The following GLMP variants were observed in gnomAD, a reference collection of about 807,000 sequenced individuals.
GLMP encodes kidney lysosomal membrane protein.
Under a neutral mutation model 39.2 loss-of-function variants are expected in GLMP, and 36 were observed. The ratio of observed to expected loss-of-function variants is 0.92; its 90% CI spans 0.70 to 1.21. The LOEUF is 1.21. Among genes scored for constraint, GLMP ranks in the 50% most tolerant of loss-of-function variants. The pLI is 0.00. For synonymous variants in GLMP, 220 were observed against 218.9 expected, an observed-to-expected ratio of 1.01 and a Z score of -0.04; for missense variants, 454 against 505.6, an observed-to-expected ratio of 0.90 and a Z score of 0.98.
At chr1:156,294,298 C>G (rs1387002963) in intron 3 of GLMP, 62 bp from the exon 4 acceptor site, 2 of 1,601,240 alleles carry the variant, frequency 1.2e-6, no homozygotes, top group African/African-American at 1.3e-5. Flanking sequence ...TAAGGGCCAC[C>G]TCCATCATTA....
Position 156,295,609 on chromosome 1 carries a change from G to A in GLMP, c.37C>T (p.His13Tyr). ...AGGAGCAGGGGGCTGGGGGCACAGT[G>A]CCCCCAACCCCAGGTGCACTCCACA... ...GSVECTWGWG[H>Y]CAPSPLLLWT... The change falls in exon 1 of 6, where the codon CAC becomes TAC. Residue 13 changes from histidine to tyrosine, a missense_variant. By Grantham distance (83) the His-to-Tyr change is moderately conservative (BLOSUM62 2). Coordinates refer to ENST00000362007, the MANE Select transcript of GLMP (RefSeq NM_144580.3). The A allele has an allele frequency of 5.2e-6, 8 of 1,548,936 alleles. No individual in the cohort carries two copies. The highest frequency in any genetic ancestry group is 7.0e-6 in the Non-Finnish European group (8 of 1,146,400).
At chr1:156,293,847 T>C in intron 4 of GLMP, 171 bp downstream of exon 4, 1 of 1,192,760 alleles carries the variant, frequency 8.4e-7, no homozygotes, top group East Asian at 2.5e-5. Context: ...TTGCACTTTC[T>C]GTCTGTCTCC....
rs200151304 is a variant in GLMP at position 156,293,220 on chromosome 1, CAGAGAG to C, written c.1056-17_1056-12del. ...CCCAGGAGCATCGACCTAGAGCAAGCAGAGAGAGAGAGGTAAGCGGGCTTAGGAGGA... is the reference window on the plus strand; with the variant it reads ...CCCAGGAGCATCGACCTAGAGCAAGCAGAGAGGTAAGCGGGCTTAGGAGGA... On this transcript the variant is annotated splice_polypyrimidine_tract_variant and intron_variant, in intron 5 of 5. Coordinates refer to ENST00000362007, the MANE Select transcript of GLMP (RefSeq NM_144580.3). 1 of 1,610,182 alleles carries C rather than the reference CAGAGAG, an allele frequency of 6.2e-7. No individual in the cohort carries two copies. Among genetic ancestry groups the C allele is most frequent in the African/African-American group, 1.3e-5 (1 of 74,768 alleles).
At position 156,295,603 on chromosome 1, in the gene GLMP, C is replaced by T. The variant is rs1424612632; in HGVS notation, c.43G>A (p.Ala15Thr). Residue 15 changes from alanine (A) to threonine (T), a missense_variant, in exon 1 of 6, where the codon GCC becomes ACC. Transcript: ENST00000362007. The part of the protein sequence containing the change: ...VECTWGWGHC[A>T]PSPLLLWTLL... The stretch of plus-strand genomic sequence containing the variant: ...GTCCAAAGGAGCAGGGGGCTGGGGG[C>T]ACAGTGCCCCCAACCCCAGGTGCAC... 7 of 1,550,806 alleles carry T rather than the reference C, an allele frequency of 4.5e-6. No individual in the cohort carries two copies. Among genetic ancestry groups the T allele is most frequent in the African/African-American group, 1.4e-5 (1 of 72,642 alleles).
intron 4 of GLMP, 187 bp from the exon 5 acceptor site, chr1:156,293,763 C>A: frequency 6.6e-7 from 1 of 1,522,300 alleles, no homozygotes; most frequent in Non-Finnish European, 8.9e-7. Context: ...TTCCAAACCT[C>A]CAAGTCTGGA....
At position 156,295,596 on chromosome 1, in the gene GLMP, C is replaced by A. The variant is rs560818072; in HGVS notation, c.50G>T (p.Ser17Ile). The change falls in exon 1 of 6, where the codon AGC becomes ATC. Residue 17 changes from serine to isoleucine, a missense_variant. Ser to Ile is a moderately radical substitution (Grantham distance 142, BLOSUM62 -2). Transcript: ENST00000362007. ...AAGTAGAGTCCAAAGGAGCAGGGGG[C>A]TGGGGGCACAGTGCCCCCAACCCCA... The part of the protein sequence containing the change: ...CTWGWGHCAP[S>I]PLLLWTLLLF... The A allele has an allele frequency of 1.9e-5, 30 of 1,549,900 alleles. No homozygotes were observed. In the African/African-American group the frequency reaches 3.9e-4, roughly 20 times the overall value.
chr1:156,293,632 CT>C, intron 4 of GLMP, 56 bp from the exon 5 acceptor site: 3 of 1,605,148 alleles, frequency 1.9e-6, no homozygotes. Flanking sequence ...GCCCGACCCT[CT>C]TTTCCTTGCC....
rs1663522237 is a variant in GLMP at position 156,294,549 on chromosome 1, C to G, written c.395G>C (p.Ser132Thr). Residue 132 changes from serine (S) to threonine (T), a missense_variant, in exon 3 of 6, where the codon AGC (serine) becomes ACC (threonine). By Grantham distance (58) the Ser-to-Thr change is moderately conservative (BLOSUM62 1). Transcript: ENST00000362007. ...LVFTRLLEFD[S>T]TNVSDTAAKP... ...TGCTGCCGTATCGGACACGTTGGTG[C>G]TGTCAAACTCAAGCAGCTGGAGGGT... 1 of 1,613,952 alleles carries G rather than the reference C, an allele frequency of 6.2e-7. No homozygotes were observed. Among genetic ancestry groups the G allele is most frequent in the Non-Finnish European group, 8.5e-7 (1 of 1,180,036 alleles).
In GLMP at chr1:156,294,942, A is replaced by G. The variant is rs367617169; in HGVS notation, c.195T>C (p.Asn65=). The G allele has an allele frequency of 5.0e-6, 8 of 1,604,670 alleles. No individual in the cohort carries two copies. Among genetic ancestry groups the G allele is most frequent in the Non-Finnish European group, 6.8e-6 (8 of 1,173,072 alleles). Residue 65 remains asparagine (N), a synonymous_variant, in exon 2 of 6, where the codon AAT becomes AAC. Coordinates refer to ENST00000362007, the MANE Select transcript of GLMP (RefSeq NM_144580.3). ...TGCTCCACACATAGTGCAGTGTGGA[A>G]TTGGTGCCCACTGCCCGTATATGAA... ...NLLHIRAVGT[N]STLHYVWSSL...
chr1:156,295,122 G>T, intron 1 of GLMP, 106 bp from the exon 2 acceptor site: 1 of 1,056,696 alleles, frequency 9.5e-7, no homozygotes. Flanking sequence ...GACAAAGGAT[G>T]GGATTTTGGG....
intron 1 of GLMP, 163 bp downstream of exon 1, chr1:156,295,363 A>G (rs1035449857): frequency 2.6e-5 from 36 of 1,395,176 alleles, no homozygotes; most frequent in Non-Finnish European, 3.1e-5. Context: ...CCTACTCCAC[A>G]ATCCCGTCCC....
rs113550295 is a variant in GLMP, at chr1:156,292,846, G to A, written c.*198C>T. On this transcript the variant is annotated 3_prime_UTR_variant, in exon 6 of 6. Coordinates refer to ENST00000362007, the MANE Select transcript of GLMP (RefSeq NM_144580.3). ...TTATCAATAGCCCTGTCCCCTGCCCGCCTCCAAAGTCCCCCAACAAAGTAT... is the reference window on the plus strand; with the variant it reads ...TTATCAATAGCCCTGTCCCCTGCCCACCTCCAAAGTCCCCCAACAAAGTAT... 2.3e-5 allele frequency: 14 copies of A among 622,208 alleles called. 1 individual carries two copies. Among genetic ancestry groups the A allele is most frequent in the African/African-American group, 9.2e-5 (5 of 54,128 alleles). 38.5% of individuals were successfully genotyped at this position (622,208 alleles called of 1,614,324 possible).
chr1:156,293,465 G>T lies in GLMP; in HGVS notation c.910C>A (p.Pro304Thr). ...RESALPCQAS[P>T]LHPALAYSLP... is the part of the protein sequence containing the mutation. Reference sequence around the variant, plus strand: ...GAGTATGCTAAGGCAGGATGAAGAGGGGAAGCTTGGCAGGGCAGGGCTGAT... The same window carrying T: ...GAGTATGCTAAGGCAGGATGAAGAGTGGAAGCTTGGCAGGGCAGGGCTGAT... The change falls in exon 5 of 6, where the codon CCT (proline) becomes ACT (threonine). Residue 304 changes from proline (P) to threonine (T), a missense_variant. Pro to Thr is a conservative substitution (Grantham distance 38). Transcript: ENST00000362007. The T allele has an allele frequency of 6.2e-7, 1 of 1,614,210 alleles. No homozygotes were observed. Among genetic ancestry groups the T allele is most frequent in the Non-Finnish European group, 8.5e-7 (1 of 1,180,044 alleles).
In GLMP at chr1:156,293,301, C is replaced by T. The variant is rs565760903; in HGVS notation, c.1055+19G>A. 7 of 1,613,896 alleles carry T rather than the reference C, an allele frequency of 4.3e-6. No individual in the cohort carries two copies. The South Asian group carries it at 7.7e-5, about 18-fold the overall frequency. On this transcript the variant is annotated intron_variant, in intron 5 of 5. Transcript: ENST00000362007. ...CCACTTCAACTCCCCAAGTCCCCGG[C>T]CCAAACCCTGGCTCTCACCAGCTGA...
rs373837615 is a variant in GLMP, at chr1:156,293,527, C to A, written c.848G>T (p.Arg283Leu). ...CGGCTTCTGGGAGTAAGCCACTGGT[C>A]GCCACTGTGCAAAGCCTGATGGGAG... ...GSLPSGFAQW[R>L]PVAYSQKPGG... The change falls in exon 5 of 6, where the codon CGA (arginine) becomes CTA (leucine). Residue 283 changes from arginine (R) to leucine (L), a missense_variant. Arg to Leu is a moderately radical substitution (Grantham distance 102). Transcript: ENST00000362007. The A allele has an allele frequency of 2.7e-5, 43 of 1,613,982 alleles. No individual in the cohort carries two copies. Among genetic ancestry groups the A allele is most frequent in the Non-Finnish European group, 3.4e-6 (4 of 1,180,028 alleles).
chr1:156,295,476 AAGGGT>A (rs1663570108), intron 1 of GLMP, 45 bp downstream of exon 1: 1 of 1,447,298 alleles, frequency 6.9e-7, no homozygotes, highest in South Asian at 1.5e-5. Flanking sequence ...GCCACCCTGC[AAGGGT>A]AGCGTTTCCT....
rs1260679781 is a variant in GLMP, at chr1:156,294,356, A to C, written c.579+9T>G. 6.2e-7 allele frequency: 1 copy of C among 1,613,900 alleles called. No homozygotes were observed. Among genetic ancestry groups the C allele is most frequent in the East Asian group, 2.2e-5 (1 of 44,886 alleles). ...CTTTTTGAGCTCTTTCCGATTTCTCACGCCTTACCCTGAAGGCCAGGCTGC... is the reference window on the plus strand; with the variant it reads ...CTTTTTGAGCTCTTTCCGATTTCTCCCGCCTTACCCTGAAGGCCAGGCTGC... On this transcript the variant is annotated intron_variant, in intron 3 of 5. Coordinates refer to ENST00000362007, the MANE Select transcript of GLMP (RefSeq NM_144580.3).
intron 2 of GLMP, 34 bp downstream of exon 2, chr1:156,294,725 A>C: frequency 6.5e-7 from 1 of 1,548,740 alleles, no homozygotes; most frequent in Non-Finnish European, 8.7e-7. Context: ...TCTCCTCTGC[A>C]CTCTTCTCCT....
At chr1:156,295,119 G>A (rs952157198) in intron 1 of GLMP, 103 bp from the exon 2 acceptor site, 7 of 1,109,328 alleles carry the variant, frequency 6.3e-6, no homozygotes, top group Non-Finnish European at 6.3e-6. Context: ...CTGGACAAAG[G>A]ATGGGATTTT....
Sources: gnomAD v4.1 joint callset for allele counts on GRCh38, gnomAD v4.1.1 for gene constraint, MANE v1.5 for transcripts, NCBI Gene and HGNC (gene_info 2026-07-23, HGNC 2026-07-21) for gene names.